PADI2: variants seen among roughly 807,000 people sequenced by gnomAD.
The protein encoded by PADI2 is peptidyl arginine deiminase 2.
In PADI2, 70 loss-of-function variants were observed where a neutral mutation model predicts 81.1. The observed-to-expected ratio is 0.86, with a 90% CI of 0.71 to 1.05. The LOEUF is 1.05. Ranked by LOEUF, PADI2 falls within the 50% of genes least tolerant of loss-of-function variation. PADI2 has a pLI of 0.00. For missense variants in PADI2, 853 were observed against 889.9 expected (o/e 0.96, Z 0.53); for synonymous variants, 338 against 358.0 (o/e 0.94, Z 0.63).
At chr1:17,078,746 A>T (rs2078322789) in intron 11 of PADI2, among the ~76,000 whole-genome samples, 1 of 151,822 alleles carries the variant, frequency 6.6e-6, no homozygotes, top group African/African-American at 2.4e-5. Context: ...GCCAGGCTGG[A>T]GTGCAGTGGT....
At chr1:17,110,264 G>GA (rs141740264) in intron 1 of PADI2, among the ~76,000 whole-genome samples, 1,727 of 152,234 alleles carry the variant, frequency 0.011, 33 homozygotes, top group African/African-American at 0.039. Flanking sequence ...GAGGGGGCTT[G>GA]GGGGTGGTTA....
At position 17,070,958 on chromosome 1, in the gene PADI2, G is replaced by A. The variant is rs374043486; in HGVS notation, c.1635+448C>T. On this transcript the variant is annotated intron_variant, in intron 14 of 15. Transcript: ENST00000375486. The stretch of plus-strand genomic sequence containing the variant: ...ATTACAGGCATGAGCCACCAGGCCC[G>A]GCCAAAGTTTTTATTTATTTTTTTT... 9.3e-4 allele frequency among the ~76,000 whole-genome samples: 142 copies of A among 152,076 alleles called. 1 individual carries two copies. The highest frequency in any genetic ancestry group is 3.3e-3 in the African/African-American group (136 of 41,384).
chr1:17,070,220 G>T lies in PADI2; in HGVS notation c.1636-4C>A, dbSNP rs773246510. The stretch of plus-strand genomic sequence containing the variant: ...CACGGTTCCAGTCTAGGCAGCGCTG[G>T]GTAGGAGAAAGGATGGAGGGCATGC... On this transcript the variant is annotated splice_region_variant and splice_polypyrimidine_tract_variant and intron_variant, in intron 14 of 15. Transcript: ENST00000375486. The T allele has an allele frequency of 6.2e-7, 1 of 1,613,728 alleles. No individual in the cohort carries two copies. The highest frequency in any genetic ancestry group is 1.1e-5 in the South Asian group (1 of 91,054).
chr1:17,093,542 C>G (rs778948796), intron 5 of PADI2, 25 bp downstream of exon 5: 11 of 1,440,072 alleles, frequency 7.6e-6, no homozygotes, highest in Non-Finnish European at 1.1e-5. Context: ...TCATCCTGCC[C>G]CCCAAGTGCA....
At chr1:17,098,931 G>A (rs1302275943) in intron 3 of PADI2, among the ~76,000 whole-genome samples, 1 of 152,246 alleles carries the variant, frequency 6.6e-6, no homozygotes, top group Non-Finnish European at 1.5e-5. Flanking sequence ...GCCTTCCCGA[G>A]GGGGAGGAGG....
chr1:17,118,885 G>A (rs1238694141), intron 1 of PADI2, among the ~76,000 whole-genome samples: 1 of 152,176 alleles, frequency 6.6e-6, no homozygotes, highest in African/African-American at 2.4e-5. Context: ...AGCAGGAGAG[G>A]GGCTGGGTTG....
intron 3 of PADI2, among the ~76,000 whole-genome samples, chr1:17,099,740 T>C (rs917718363): frequency 2.0e-5 from 3 of 152,136 alleles, no homozygotes; most frequent in Non-Finnish European, 4.4e-5. Context: ...AGGCGGAGCA[T>C]TGACTAAGCA....
chr1:17,077,873 C>A (rs1466436877), intron 11 of PADI2, among the ~76,000 whole-genome samples: 1 of 152,160 alleles, frequency 6.6e-6, no homozygotes, highest in East Asian at 1.9e-4. Flanking sequence ...ACTGCCCTGA[C>A]AAGGAAGAAT....
intron 6 of PADI2, among the ~76,000 whole-genome samples, chr1:17,087,010 G>A (rs756286911): frequency 2.6e-5 from 4 of 152,184 alleles, no homozygotes; most frequent in African/African-American, 4.8e-5. Flanking sequence ...AGTGGTTCCA[G>A]GGGAGGATGT....
intron 1 of PADI2, among the ~76,000 whole-genome samples, chr1:17,112,184 A>G (rs1931600617): frequency 6.6e-6 from 1 of 152,058 alleles, no homozygotes; most frequent in Non-Finnish European, 1.5e-5. Context: ...GGGACCAGAT[A>G]GTGGCTGTGG....
At position 17,111,082 on chromosome 1, in the gene PADI2, C is replaced by CTTTTTTT. The variant is rs779445292; in HGVS notation, c.93-6028_93-6022dup. Among the ~76,000 whole-genome samples, 4 of 93,892 alleles carry CTTTTTTT rather than the reference C, an allele frequency of 4.3e-5. 1 individual carries two copies. The highest frequency in any genetic ancestry group is 1.7e-4 in the African/African-American group (4 of 23,436). The allele number at this position is 93,892 out of a possible 152,430, so 61.6% of individuals were successfully genotyped here. ...CCCTGGGCCCATGGAAAAGACAGAC[C>CTTTTTTT]TTTTTTTTTTTTTTTTTTTTTTTGG... is the stretch of plus-strand genomic sequence containing the variant. On this transcript the variant is annotated intron_variant, in intron 1 of 15. Coordinates refer to ENST00000375486, the MANE Select transcript of PADI2 (RefSeq NM_007365.3).
Position 17,069,113 on chromosome 1 carries a change from C to A in PADI2, c.1929G>T (p.Gly643=). 6.2e-7 allele frequency: 1 copy of A among 1,614,208 alleles called. No homozygotes were observed. The highest frequency in any genetic ancestry group is 8.5e-7 in the Non-Finnish European group (1 of 1,180,026). Residue 643 remains glycine (G), a synonymous_variant, in exon 16 of 16, where the codon GGG becomes GGT. Transcript: ENST00000375486. ...GGACGTTGGTGCCACAGTGGACTTC[C>A]CCCAGAAATTTGTGGTAGGCAGAAA... ...DDISAYHKFL[G]EVHCGTNVRR...
intron 1 of PADI2, 56 bp from the exon 2 acceptor site, chr1:17,105,117 G>A: frequency 7.8e-7 from 1 of 1,286,234 alleles, no homozygotes; most frequent in Non-Finnish European, 1.0e-6. Flanking sequence ...TGGGATGAGG[G>A]GCTTCAAGAG....
chr1:17,118,602 A>G lies in PADI2; in HGVS notation c.92+678T>C, dbSNP rs148893561. ...AACTCTGAATCAGGATCCTTTTCCA[A>G]CAAAGTACCCCGCTATACACCCCAA... On this transcript the variant is annotated intron_variant, in intron 1 of 15. Transcript: ENST00000375486. 6.0e-3 allele frequency among the ~76,000 whole-genome samples: 912 copies of G among 152,278 alleles called. 6 individuals are homozygous for G. Among genetic ancestry groups the G allele is most frequent in the Middle Eastern group, 0.027 (8 of 294 alleles).
At chr1:17,082,344 A>T (rs1032143785) in intron 10 of PADI2, among the ~76,000 whole-genome samples, 1 of 152,198 alleles carries the variant, frequency 6.6e-6, no homozygotes, top group Admixed American at 6.5e-5. Flanking sequence ...AAAACTCTCT[A>T]TGTTTTGGAA....
At chr1:17,088,042 C>G (rs1443605249) in intron 6 of PADI2, among the ~76,000 whole-genome samples, 3 of 152,122 alleles carry the variant, frequency 2.0e-5, no homozygotes, top group Non-Finnish European at 4.4e-5. Flanking sequence ...GCCTCTGTAA[C>G]AGCAGTGCTC....
At chr1:17,069,672 T>C (rs572167094) in intron 15 of PADI2, among the ~76,000 whole-genome samples, 1 of 152,136 alleles carries the variant, frequency 6.6e-6, no homozygotes, top group African/African-American at 2.4e-5. Context: ...TGTGTGCATG[T>C]GTGTGTATAT....
At chr1:17,087,219 T>C (rs1930504627) in intron 6 of PADI2, among the ~76,000 whole-genome samples, 1 of 152,098 alleles carries the variant, frequency 6.6e-6, no homozygotes, top group Non-Finnish European at 1.5e-5. Flanking sequence ...ATGGAAGCCG[T>C]GTTGGTGTAA....
chr1:17,102,753 G>GGGT (rs1553183549), intron 3 of PADI2, among the ~76,000 whole-genome samples: 1 of 136,886 alleles, frequency 7.3e-6, no homozygotes, highest in Non-Finnish European at 1.5e-5. Context: ...TTGACACTTG[G>GGGT]GGGGGGGTTG....
Sources: allele counts gnomAD v4.1 joint callset (sites outside exome capture counted in the v4.1 genomes callset), GRCh38; gene constraint gnomAD v4.1.1; transcripts MANE v1.5; gene names NCBI Gene and HGNC (gene_info 2026-07-23, HGNC 2026-07-21).